Variants in KLF3 observed in about 807,000 individuals in gnomAD.
The protein encoded by KLF3 is KLF transcription factor 3, also known as Krueppel-like factor 3.
KLF3 carries 6 observed loss-of-function variants against 32.7 expected under a neutral mutation model. That is an observed-to-expected ratio of 0.18 (90% CI 0.10 to 0.36). The LOEUF is 0.36. Ranked by LOEUF, KLF3 falls within the 10% of genes least tolerant of loss-of-function variation. The probability of loss-of-function intolerance (pLI) is 1.00; values close to 1 mark genes in which losing one functional copy is unlikely to be tolerated. For missense variants in KLF3, 338 were observed against 449.7 expected, an observed-to-expected ratio of 0.75 and a Z score of 2.25; for synonymous variants, 145 against 172.8, an observed-to-expected ratio of 0.84 and a Z score of 1.26.
Position 38,671,268 on chromosome 4 carries a change from C to T in KLF3, c.-40+6807C>T, listed in dbSNP as rs910799841. 5.3e-5 allele frequency among the ~76,000 whole-genome samples: 8 copies of T among 152,234 alleles called. No homozygotes were observed. The highest frequency in any genetic ancestry group is 1.9e-4 in the African/African-American group (8 of 41,466). ...CTAAAATGGGGATGAGGACCTGACC[C>T]TTCCACCTTTGTGCAGTTATTATGA... On this transcript the variant is annotated intron_variant, in intron 1 of 5. Coordinates refer to ENST00000261438, the MANE Select transcript of KLF3 (RefSeq NM_016531.6). This position sits in a 1 kb window ranked among gnomAD's most constrained non-coding sequence, Gnocchi z 4.4.
intron 1 of KLF3, among the ~76,000 whole-genome samples, chr4:38,670,261 A>G (rs1232635020): frequency 2.0e-5 from 3 of 152,132 alleles, no homozygotes; most frequent in Non-Finnish European, 4.4e-5. Context: ...CCTGAGGCAG[A>G]CCCTTTGCAG....
intron 1 of KLF3, among the ~76,000 whole-genome samples, chr4:38,678,077 TTTAA>T (rs1344412701): frequency 2.8e-4 from 42 of 151,630 alleles, no homozygotes; most frequent in African/African-American, 1.0e-3. Flanking sequence ...ATGTGAATGC[TTTAA>T]TTTAGAAGCA....
At chr4:38,669,842 G>A (rs543509279) in intron 1 of KLF3, among the ~76,000 whole-genome samples, 106 of 124,484 alleles carry the variant, frequency 8.5e-4, no homozygotes, top group African/African-American at 2.9e-3. Flanking sequence ...GCAGTGAGCC[G>A]AGATTGTGCC....
chr4:38,699,658 ACT>A lies in KLF3; in HGVS notation c.*2398_*2399del, dbSNP rs1384582386. 3.9e-5 allele frequency: 6 copies of A among 152,304 alleles called. No individual in the cohort carries two copies. The highest frequency in any genetic ancestry group is 2.6e-4 in the Admixed American group (4 of 15,298). The allele number at this position is 152,304 out of a possible 1,614,324, so 9.4% of individuals were successfully genotyped here. On this transcript the variant is annotated 3_prime_UTR_variant, in exon 6 of 6. Transcript: ENST00000261438. ...AGATTTGAAGCAAGACCTTGCAAAG[ACT>A]CTTAACATTACTGTTCAGCTTGCTT...
At position 38,700,897 on chromosome 4, in the gene KLF3, C is replaced by T. The variant is rs1246980809; in HGVS notation, c.*3634C>T. 6.6e-6 allele frequency: 1 copy of T among 152,156 alleles called. No homozygotes were observed. Among genetic ancestry groups the T allele is most frequent in the Non-Finnish European group, 1.5e-5 (1 of 68,010 alleles). 9.4% of individuals were successfully genotyped at this position (152,156 alleles called of 1,614,324 possible). On this transcript the variant is annotated 3_prime_UTR_variant, in exon 6 of 6. Coordinates refer to ENST00000261438, the MANE Select transcript of KLF3 (RefSeq NM_016531.6). ...AATGTTTAATGTACCTTCTCTGTTT[C>T]TACTCTGTAGTCCAATGGGAATTCA...
rs749003979 is a variant in KLF3 at position 38,697,045 on chromosome 4, G to GAAA, written c.857-29_857-27dup. On this transcript the variant is annotated intron_variant, in intron 5 of 5. Transcript: ENST00000261438. ...CTCAAAGATCTTTACTACCTTTACAGAAAAAAAAAATAGCTCTTTTCTTTT... is the reference window on the plus strand; with the variant it reads ...CTCAAAGATCTTTACTACCTTTACAGAAAAAAAAAAAAATAGCTCTTTTCTTTT... The GAAA allele has an allele frequency of 2.9e-6, 4 of 1,383,320 alleles. No individual in the cohort carries two copies. In the African/African-American group the frequency reaches 5.9e-5, roughly 20 times the overall value. The allele number at this position is 1,383,320 out of a possible 1,614,324, so 85.7% of individuals were successfully genotyped here.
At chr4:38,669,040 A>G (rs116399982) in intron 1 of KLF3, among the ~76,000 whole-genome samples, 1,910 of 152,270 alleles carry the variant, frequency 0.013, 49 homozygotes, top group African/African-American at 0.044. Flanking sequence ...TCAAATCAAC[A>G]TTTTTGCTAT....
At chr4:38,694,642 TTTTG>T (rs147958283) in intron 4 of KLF3, 100 bp from the exon 5 acceptor site, 160,167 of 980,412 alleles carry the variant, frequency 0.16, 15,028 homozygotes, top group Middle Eastern at 0.3. Flanking sequence ...TGTTGGGATT[TTTTG>T]TTTGTTTGTT....
At position 38,688,852 on chromosome 4, in the gene KLF3, C is replaced by T. The variant is rs371074043; in HGVS notation, c.325C>T (p.Pro109Ser). The T allele has an allele frequency of 2.5e-6, 4 of 1,614,126 alleles. No homozygotes were observed. Among genetic ancestry groups the T allele is most frequent in the Non-Finnish European group, 3.4e-6 (4 of 1,180,056 alleles). Residue 109 changes from proline (P) to serine (S), a missense_variant, in exon 3 of 6, where the codon CCC (proline) becomes TCC (serine). By Grantham distance (74) the Pro-to-Ser change is moderately conservative (BLOSUM62 -1). This residue lies in a region of KLF3 where 272 missense variants were observed against 313.4 expected (regional missense o/e 0.87). Coordinates refer to ENST00000261438, the MANE Select transcript of KLF3 (RefSeq NM_016531.6). The surrounding 1 kb of genome is among the most constrained non-coding windows in gnomAD (Gnocchi z 4.9). ...SSSPPIKKYS[P>S]PSPGVQPFGV... is the part of the protein sequence containing the mutation. ...CAGCCCACCGATAAAAAAATACTCACCCCCTTCTCCAGGCGTGCAGCCCTT... is the reference window on the plus strand; with the variant it reads ...CAGCCCACCGATAAAAAAATACTCATCCCCTTCTCCAGGCGTGCAGCCCTT...
intron 1 of KLF3, among the ~76,000 whole-genome samples, chr4:38,675,122 G>A (rs912750546): frequency 1.3e-5 from 2 of 152,158 alleles, no homozygotes; most frequent in African/African-American, 2.4e-5. Context: ...CTATAATCAC[G>A]CAGTCTTGCA....
Position 38,679,121 on chromosome 4 carries a change from T to C in KLF3, c.-39-1466T>C, listed in dbSNP as rs151326785. 8.0e-4 allele frequency among the ~76,000 whole-genome samples: 122 copies of C among 152,276 alleles called. 1 individual carries two copies. The highest frequency in any genetic ancestry group is 2.7e-3 in the African/African-American group (111 of 41,548). On this transcript the variant is annotated intron_variant, in intron 1 of 5. Transcript: ENST00000261438. ...AGAAAAAGACAGGACAGGATCAAGG[T>C]GGACATTTCCTTTACAATAGGCTCA... is the stretch of plus-strand genomic sequence containing the variant.
chr4:38,688,216 G>C lies in KLF3; in HGVS notation c.58-369G>C, dbSNP rs729063. Among the ~76,000 whole-genome samples, 125,367 of 152,158 alleles carry C rather than the reference G, an allele frequency of 0.82. 52,506 individuals are homozygous for C. The highest frequency in any genetic ancestry group is 0.96 in the African/African-American group (39,954 of 41,548). ...GTTTGGCTTGACTGGTTCTTGTGAT[G>C]CCCACCTCTGACTCCTAATGATAAT... On this transcript the variant is annotated intron_variant, in intron 2 of 5. Transcript: ENST00000261438. This position sits in a 1 kb window ranked among gnomAD's most constrained non-coding sequence, Gnocchi z 4.9.
At chr4:38,687,119 T>C (rs551053412) in intron 2 of KLF3, among the ~76,000 whole-genome samples, 197 of 152,326 alleles carry the variant, frequency 1.3e-3, no homozygotes, top group Non-Finnish European at 2.1e-3. Context: ...GTTTTCTTGG[T>C]TGCATCCCAA....
At chr4:38,691,037 C>CTCCA (rs1240467211) in intron 4 of KLF3, among the ~76,000 whole-genome samples, 2 of 152,102 alleles carry the variant, frequency 1.3e-5, no homozygotes, top group African/African-American at 4.8e-5. Flanking sequence ...GGGAGAGAGT[C>CTCCA]TCTGATGGAG....
chr4:38,692,253 T>C (rs550448130), intron 4 of KLF3, among the ~76,000 whole-genome samples: 126 of 152,276 alleles, frequency 8.3e-4, no homozygotes, highest in Non-Finnish European at 1.2e-3. Context: ...CCAAACCATC[T>C]CTTTGAAAAT....
chr4:38,680,791 C>T (rs1338070967), intron 2 of KLF3, 109 bp downstream of exon 2: 5 of 868,122 alleles, frequency 5.8e-6, no homozygotes, highest in Non-Finnish European at 9.6e-6. Context: ...TGGCTCACGC[C>T]TGTAATCCCA....
chr4:38,668,466 C>T (rs1722106130), intron 1 of KLF3, among the ~76,000 whole-genome samples: 1 of 151,818 alleles, frequency 6.6e-6, no homozygotes, highest in Admixed American at 6.6e-5. Context: ...CACATTCCAC[C>T]ACATTCTTTA....
chr4:38,676,169 A>G (rs1378387248), intron 1 of KLF3, among the ~76,000 whole-genome samples: 1 of 152,138 alleles, frequency 6.6e-6, no homozygotes, highest in Non-Finnish European at 1.5e-5. Flanking sequence ...GGCCGGGTGT[A>G]GTGGCTTACA....
intron 1 of KLF3, among the ~76,000 whole-genome samples, chr4:38,669,256 A>T (rs1462999995): frequency 6.6e-6 from 1 of 152,182 alleles, no homozygotes; most frequent in Non-Finnish European, 1.5e-5. Flanking sequence ...ATCTTAAAAC[A>T]ATTGATATCT....
Sources: allele counts gnomAD v4.1 joint callset (sites outside exome capture counted in the v4.1 genomes callset), GRCh38; gene constraint gnomAD v4.1.1; regional missense constraint gnomAD v4.1.1; non-coding constraint Gnocchi (gnomAD v3.1); transcripts MANE v1.5; gene names NCBI Gene and HGNC (gene_info 2026-07-23, HGNC 2026-07-21).